Variants in FBXL14 observed in about 807,000 individuals in gnomAD.
FBXL14 encodes the protein F-box and leucine rich repeat protein 14.
In FBXL14, 11 loss-of-function variants were observed where a neutral mutation model predicts 24.5. That is an observed-to-expected ratio of 0.45 (90% CI 0.28 to 0.74). The LOEUF (loss-of-function observed/expected upper bound fraction) is 0.74, where lower values mean the gene tolerates loss of function less well. Ranked by LOEUF, FBXL14 falls within the 30% of genes least tolerant of loss-of-function variation. The pLI is 0.12. For missense variants in FBXL14, 384 were observed against 545.6 expected, an observed-to-expected ratio of 0.70 and a Z score of 2.95; for synonymous variants, 294 against 240.4, an observed-to-expected ratio of 1.22 and a Z score of -2.06.
At chr12:1,594,597 G>C (rs913303065), upstream of FBXL14, among the ~76,000 whole-genome samples, 13 of 148,834 alleles carry the variant, frequency 8.7e-5, no homozygotes, top group Admixed American at 7.3e-4. Flanking sequence ...TCCCAGCCCC[G>C]GGCCGCCCGC....
chr12:1,586,763 T>C (rs568651091), intron 1 of FBXL14, among the ~76,000 whole-genome samples: 1 of 152,350 alleles, frequency 6.6e-6, no homozygotes, highest in African/African-American at 2.4e-5. Flanking sequence ...CATTGTGTTA[T>C]GACTGAGTTC....
upstream of FBXL14, among the ~76,000 whole-genome samples, chr12:1,594,796 G>A (rs2094498432): frequency 6.6e-6 from 1 of 150,938 alleles, no homozygotes; most frequent in Non-Finnish European, 1.5e-5. Context: ...GGTAGCGCCC[G>A]GGCCGGCCCC....
chr12:1,580,229 G>A (rs58866846), intron 1 of FBXL14, among the ~76,000 whole-genome samples: 6,212 of 152,218 alleles, frequency 0.041, 433 homozygotes, highest in African/African-American at 0.14. Flanking sequence ...CCAATCTTGC[G>A]GTGTATGGAC....
intron 1 of FBXL14, among the ~76,000 whole-genome samples, chr12:1,583,398 ATTAGAAG>A (rs1049227744): frequency 1.3e-5 from 2 of 151,940 alleles, no homozygotes; most frequent in Admixed American, 1.3e-4. Context: ...AAAAAAAAGC[ATTAGAAG>A]TTAATGTTTG....
At chr12:1,573,049 T>G (rs967362661) in intron 1 of FBXL14, among the ~76,000 whole-genome samples, 1 of 152,144 alleles carries the variant, frequency 6.6e-6, no homozygotes, top group Admixed American at 6.5e-5. Flanking sequence ...GGAGGAAATA[T>G]GTTTAATTTT....
intron 1 of FBXL14, among the ~76,000 whole-genome samples, chr12:1,587,687 GCA>G (rs755337208): frequency 1.3e-5 from 2 of 152,034 alleles, no homozygotes; most frequent in Admixed American, 6.6e-5. Context: ...TTAATATTTG[GCA>G]CTGATCTAAA....
chr12:1,592,080 A>G (rs1271623881), intron 1 of FBXL14, among the ~76,000 whole-genome samples: 1 of 151,904 alleles, frequency 6.6e-6, no homozygotes, highest in African/African-American at 2.4e-5. Flanking sequence ...ACCCAAGGGC[A>G]TCTTTCCAGT....
intron 1 of FBXL14, among the ~76,000 whole-genome samples, chr12:1,576,943 T>C (rs1211356969): frequency 6.6e-6 from 1 of 152,236 alleles, no homozygotes; most frequent in African/African-American, 2.4e-5. Context: ...ATTTTGTGAT[T>C]GTGAAACTGC....
chr12:1,579,720 C>T lies in FBXL14; in HGVS notation c.1195-12910G>A, dbSNP rs1018269390. Among the ~76,000 whole-genome samples, 2 of 152,106 alleles carry T rather than the reference C, an allele frequency of 1.3e-5. No homozygotes were observed. The highest frequency in any genetic ancestry group is 4.8e-5 in the African/African-American group (2 of 41,416). On this transcript the variant is annotated intron_variant, in intron 1 of 1. Coordinates refer to ENST00000339235, the MANE Select transcript of FBXL14 (RefSeq NM_152441.3). This position sits in a 1 kb window ranked among gnomAD's most constrained non-coding sequence, Gnocchi z 4.3. Reference sequence around the variant, plus strand: ...ATTACTCAGGCTGGTATTTAGTTTGCTGACTTTTAACTCTCAGAGCTGAAC... The same window carrying T: ...ATTACTCAGGCTGGTATTTAGTTTGTTGACTTTTAACTCTCAGAGCTGAAC...
intron 1 of FBXL14, among the ~76,000 whole-genome samples, chr12:1,592,381 A>C (rs1338896667): frequency 6.6e-6 from 1 of 152,072 alleles, no homozygotes; most frequent in Admixed American, 6.6e-5. Flanking sequence ...GATTAGTTAC[A>C]AAGTGGAAGG....
intron 1 of FBXL14, among the ~76,000 whole-genome samples, chr12:1,588,173 G>C (rs946073933): frequency 2.0e-5 from 3 of 152,188 alleles, no homozygotes; most frequent in African/African-American, 7.2e-5. Flanking sequence ...TAATCAAGAG[G>C]TTCTTATTCT....
intron 1 of FBXL14, among the ~76,000 whole-genome samples, chr12:1,588,199 T>C (rs1166337496): frequency 6.6e-6 from 1 of 152,222 alleles, no homozygotes; most frequent in East Asian, 1.9e-4. Flanking sequence ...AACACAGTGG[T>C]CCCTGGGGGC....
rs1246200850 is a variant in FBXL14, at chr12:1,567,486, G to T, written c.1195-676C>A. Among the ~76,000 whole-genome samples, 1 of 151,900 alleles carries T rather than the reference G, an allele frequency of 6.6e-6. No homozygotes were observed. The highest frequency in any genetic ancestry group is 2.4e-5 in the African/African-American group (1 of 41,328). Reference sequence around the variant, plus strand: ...AGCCTGGGCGACAGAGTGGTACTCTGTCTCAAAAATAATAATAATAATAAA... The same window carrying T: ...AGCCTGGGCGACAGAGTGGTACTCTTTCTCAAAAATAATAATAATAATAAA... On this transcript the variant is annotated intron_variant, in intron 1 of 1. Transcript: ENST00000339235. The surrounding 1 kb of genome is among the most constrained non-coding windows in gnomAD (Gnocchi z 4.8).
In FBXL14 at chr12:1,573,464, G is replaced by A. The variant is rs145468742; in HGVS notation, c.1195-6654C>T. 1.4e-4 allele frequency among the ~76,000 whole-genome samples: 21 copies of A among 152,312 alleles called. 1 individual carries two copies. The East Asian group carries it at 3.3e-3, about 24-fold the overall frequency. On this transcript the variant is annotated intron_variant, in intron 1 of 1. Transcript: ENST00000339235. ...ATACGTTCAACCTTGTCAGCTGAAT[G>A]CCACCCCAGCCACGCACGACTAGGG...
chr12:1,587,711 C>T (rs2094479923), intron 1 of FBXL14, among the ~76,000 whole-genome samples: 1 of 152,102 alleles, frequency 6.6e-6, no homozygotes, highest in Admixed American at 6.5e-5. Context: ...ATGCATGTCC[C>T]ATCTGTTTTA....
chr12:1,582,244 A>G (rs2094468046), intron 1 of FBXL14, among the ~76,000 whole-genome samples: 1 of 151,904 alleles, frequency 6.6e-6, no homozygotes, highest in Non-Finnish European at 1.5e-5. Context: ...AAAGAAAGAA[A>G]AAGAAAAGAA....
In FBXL14 at chr12:1,583,132, T is replaced by A. The variant is rs868231494; in HGVS notation, c.1194+9741A>T. Among the ~76,000 whole-genome samples the A allele has an allele frequency of 8.8e-3, 1,171 of 133,802 alleles. 5 individuals carry two copies. The highest frequency in any genetic ancestry group is 0.039 in the African/African-American group (1,092 of 28,320). 87.8% of individuals were successfully genotyped at this position (133,802 alleles called of 152,430 possible). On this transcript the variant is annotated intron_variant, in intron 1 of 1. Coordinates refer to ENST00000339235, the MANE Select transcript of FBXL14 (RefSeq NM_152441.3). ...TCCTTTTAATAAAAATTAAAAAAAA[T>A]TAAAAAAAAGATACTCCTAAAATTT...
rs1029176998 is a variant in FBXL14 at position 1,570,039 on chromosome 12, T to C, written c.1195-3229A>G. 6.6e-5 allele frequency among the ~76,000 whole-genome samples: 10 copies of C among 152,226 alleles called. 1 individual carries two copies. The highest frequency in any genetic ancestry group is 6.5e-4 in the Admixed American group (10 of 15,286). On this transcript the variant is annotated intron_variant, in intron 1 of 1. Transcript: ENST00000339235. ...TTCCTAAGAGAACGTTTTGCTGTTG[T>C]TGCATGGAAGAGGGGTTTTTCCCCT...
At position 1,569,501 on chromosome 12, in the gene FBXL14, C is replaced by T. The variant is rs925436405; in HGVS notation, c.1195-2691G>A. On this transcript the variant is annotated intron_variant, in intron 1 of 1. Coordinates refer to ENST00000339235, the MANE Select transcript of FBXL14 (RefSeq NM_152441.3). The surrounding 1 kb of genome is among the most constrained non-coding windows in gnomAD (Gnocchi z 4.2). ...CTGCAAGCTCCGCTTCCCGGGTTCACGCCATTCTCCTGCCTCAGCCTCCTG... is the reference window on the plus strand; with the variant it reads ...CTGCAAGCTCCGCTTCCCGGGTTCATGCCATTCTCCTGCCTCAGCCTCCTG... Among the ~76,000 whole-genome samples, 1 of 151,916 alleles carries T rather than the reference C, an allele frequency of 6.6e-6. No homozygotes were observed. The highest frequency in any genetic ancestry group is 1.5e-5 in the Non-Finnish European group (1 of 67,980).
Sources: allele counts gnomAD v4.1 joint callset (sites outside exome capture counted in the v4.1 genomes callset), GRCh38; gene constraint gnomAD v4.1.1; non-coding constraint Gnocchi (gnomAD v3.1); transcripts MANE v1.5; gene names NCBI Gene and HGNC (gene_info 2026-07-23, HGNC 2026-07-21).